SYTL3: variants seen among roughly 807,000 people sequenced by gnomAD.
SYTL3 encodes the protein synaptotagmin like 3.
In SYTL3, 88 loss-of-function variants were observed where a neutral mutation model predicts 82.1. The ratio of observed to expected loss-of-function variants is 1.07; its 90% CI spans 0.90 to 1.28. SYTL3 has a LOEUF of 1.28. SYTL3 is among the 50% of genes most tolerant of loss of function. The pLI is 0.00. For synonymous variants in SYTL3, 311 were observed against 289.4 expected (o/e 1.07, Z -0.76); for missense variants, 831 against 757.6 (o/e 1.10, Z -1.14).
At chr6:158,688,542 C>T (rs59655782) in intron 6 of SYTL3, among the ~76,000 whole-genome samples, 4,702 of 152,180 alleles carry the variant, frequency 0.031, 272 homozygotes, top group African/African-American at 0.11. Flanking sequence ...GCAGGAGGAT[C>T]GCTTGAGCCC....
intron 11 of SYTL3, among the ~76,000 whole-genome samples, chr6:158,728,388 A>T (rs1784992422): frequency 6.6e-6 from 1 of 151,896 alleles, no homozygotes; most frequent in Non-Finnish European, 1.5e-5. Flanking sequence ...TGACTTTGGC[A>T]TCTTGGTTGG....
At chr6:158,645,079 A>G (rs1016408420), upstream of SYTL3, among the ~76,000 whole-genome samples, 1 of 152,152 alleles carries the variant, frequency 6.6e-6, no homozygotes, top group Non-Finnish European at 1.5e-5. Context: ...ATTGACGCGG[A>G]CGTTCAAACC....
chr6:158,721,351 G>C (rs1464271097), intron 10 of SYTL3, among the ~76,000 whole-genome samples: 1 of 152,186 alleles, frequency 6.6e-6, no homozygotes, highest in South Asian at 2.1e-4. Context: ...AAGTAGCTGG[G>C]ACTACAGGGA....
rs1278487173 is a variant in SYTL3, at chr6:158,676,713, AAAAC to A, written c.330-6205_330-6202del. On this transcript the variant is annotated intron_variant, in intron 5 of 17. Transcript: ENST00000611299. Reference sequence around the variant, plus strand: ...TGAACTCAAACAAATTTACAAGAAAAAAACAAACAACCCTATCAACAAGTGGGCG... The same window carrying A: ...TGAACTCAAACAAATTTACAAGAAAAAAACAACCCTATCAACAAGTGGGCG... Among the ~76,000 whole-genome samples the A allele has an allele frequency of 2.4e-4, 36 of 152,348 alleles. No homozygotes were observed. The East Asian group carries it at 6.8e-3, about 29-fold the overall frequency.
chr6:158,736,788 CAAA>C (rs56148264), intron 11 of SYTL3, among the ~76,000 whole-genome samples: 6 of 62,658 alleles, frequency 9.6e-5, no homozygotes, highest in Admixed American at 3.9e-4. Flanking sequence ...GACTCTGTCT[CAAA>C]AAAAAAAAAA....
At chr6:158,732,405 A>T (rs1280865579) in intron 11 of SYTL3, among the ~76,000 whole-genome samples, 1 of 152,252 alleles carries the variant, frequency 6.6e-6, no homozygotes, top group African/African-American at 2.4e-5. Flanking sequence ...TAAATATTCC[A>T]TCCGCACTCT....
At position 158,757,167 on chromosome 6, in the gene SYTL3, G is replaced by A. The variant is rs745656102; in HGVS notation, c.1138-44G>A. 27 of 1,576,830 alleles carry A rather than the reference G, an allele frequency of 1.7e-5. 1 individual carries two copies. Among genetic ancestry groups the A allele is most frequent in the East Asian group, 1.1e-4 (5 of 44,228 alleles). On this transcript the variant is annotated intron_variant, in intron 13 of 17. Transcript: ENST00000611299. ...CCAGAGATGGGGATCCTAGGAGTGC[G>A]GGCCCCGGGAGCCCAGCTGACCATC... is the stretch of plus-strand genomic sequence containing the variant.
intron 12 of SYTL3, among the ~76,000 whole-genome samples, chr6:158,748,782 T>C (rs959015556): frequency 1.3e-5 from 2 of 150,672 alleles, no homozygotes; most frequent in Non-Finnish European, 3.0e-5. Flanking sequence ...GAGGTAGACG[T>C]TGCAGTGAGC....
At chr6:158,673,942 G>C (rs1583188334) in intron 5 of SYTL3, among the ~76,000 whole-genome samples, 3 of 151,016 alleles carry the variant, frequency 2.0e-5, no homozygotes, top group Admixed American at 1.3e-4. Context: ...AAATTAGTTG[G>C]ATGTGGTGGC....
intron 11 of SYTL3, among the ~76,000 whole-genome samples, chr6:158,738,141 G>T (rs1363768113): frequency 6.6e-6 from 1 of 152,146 alleles, no homozygotes; most frequent in Non-Finnish European, 1.5e-5. Flanking sequence ...CTAACCCCAG[G>T]ACACTCACGC....
intron 11 of SYTL3, among the ~76,000 whole-genome samples, chr6:158,730,394 A>G (rs919911558): frequency 4.2e-4 from 64 of 152,254 alleles, no homozygotes; most frequent in African/African-American, 1.5e-3. Context: ...TGCTAAAAAA[A>G]CTTTTTGTCT....
At chr6:158,649,242 G>A (rs1787725222), upstream of SYTL3, among the ~76,000 whole-genome samples, 1 of 152,130 alleles carries the variant, frequency 6.6e-6, no homozygotes, top group Admixed American at 6.6e-5. Context: ...AGAAACAAAT[G>A]GCCCTACACT....
At position 158,663,143 on chromosome 6, in the gene SYTL3, A is replaced by G; in HGVS notation, c.-126A>G. On this transcript the variant is annotated 5_prime_UTR_variant, in exon 4 of 18. Transcript: ENST00000611299. ...CCACAAGCAAAACAGTTGCCAGTGA[A>G]ATAGGAGAGGGAGCTCTTTAAACAA... The G allele has an allele frequency of 1.4e-6, 1 of 718,666 alleles. No individual in the cohort carries two copies. The highest frequency in any genetic ancestry group is 2.7e-5 in the Admixed American group (1 of 36,452). 44.5% of individuals were successfully genotyped at this position (718,666 alleles called of 1,614,324 possible).
chr6:158,678,187 A>C (rs929717703), intron 5 of SYTL3, among the ~76,000 whole-genome samples: 2 of 152,138 alleles, frequency 1.3e-5, no homozygotes, highest in African/African-American at 2.4e-5. Flanking sequence ...CTTGATTTGA[A>C]GTTTTTGTAG....
intron 6 of SYTL3, among the ~76,000 whole-genome samples, chr6:158,698,396 C>CA (rs561053825): frequency 0.46 from 52,020 of 113,036 alleles, 10,861 homozygotes; most frequent in South Asian, 0.51. Flanking sequence ...GACTCTGTCT[C>CA]AAAAAAAAAA....
intron 9 of SYTL3, among the ~76,000 whole-genome samples, chr6:158,714,597 T>C (rs1360952775): frequency 6.6e-6 from 1 of 152,194 alleles, no homozygotes; most frequent in Non-Finnish European, 1.5e-5. Context: ...TCAGATACTT[T>C]TTTCTCTGTT....
At chr6:158,716,302 C>T (rs1783419548) in intron 9 of SYTL3, among the ~76,000 whole-genome samples, 1 of 152,188 alleles carries the variant, frequency 6.6e-6, no homozygotes, top group Non-Finnish European at 1.5e-5. Flanking sequence ...CCAAATTTCT[C>T]AAGAAGGCTT....
At chr6:158,725,462 G>A (rs1784606680) in intron 10 of SYTL3, 41 bp from the exon 11 acceptor site, 8 of 1,606,312 alleles carry the variant, frequency 5.0e-6, no homozygotes, top group Admixed American at 1.7e-5. Flanking sequence ...ACCAAACTGG[G>A]ATGGAGACTA....
chr6:158,708,760 C>CT (rs1332983721), intron 8 of SYTL3, among the ~76,000 whole-genome samples: 1 of 152,110 alleles, frequency 6.6e-6, no homozygotes, highest in African/African-American at 2.4e-5. Context: ...GGGAGTGTCT[C>CT]TTTTGAGTGT....
Sources: allele counts gnomAD v4.1 joint callset (sites outside exome capture counted in the v4.1 genomes callset), GRCh38; gene constraint gnomAD v4.1.1; transcripts MANE v1.5; gene names NCBI Gene and HGNC (gene_info 2026-07-23, HGNC 2026-07-21).